MLLT10: variants seen among roughly 807,000 people sequenced by gnomAD.
The protein encoded by MLLT10 is protein AF-10.
In MLLT10, 30 loss-of-function variants were observed where a neutral mutation model predicts 129.1. That is an observed-to-expected ratio of 0.23 (90% CI 0.17 to 0.32). MLLT10 has a LOEUF of 0.32. Ranked by LOEUF, MLLT10 falls within the 10% of genes least tolerant of loss-of-function variation. The pLI, the probability that MLLT10 is intolerant of heterozygous loss-of-function variation, is 1.00. For synonymous variants in MLLT10, 490 were observed against 446.4 expected, an observed-to-expected ratio of 1.10 and a Z score of -1.23; for missense variants, 1,119 against 1,268.3, an observed-to-expected ratio of 0.88 and a Z score of 1.79.
At chr10:21,569,341 T>G (rs1361445744) in intron 3 of MLLT10, among the ~76,000 whole-genome samples, 1 of 151,392 alleles carries the variant, frequency 6.6e-6, no homozygotes, top group Non-Finnish European at 1.5e-5. Flanking sequence ...TCATTAAGCC[T>G]CCACCTCCTG....
chr10:21,612,264 TC>T, intron 5 of MLLT10, 83 bp from the exon 6 acceptor site: 1 of 763,052 alleles, frequency 1.3e-6, no homozygotes, highest in Non-Finnish European at 2.1e-6. Context: ...GTATACCTGA[TC>T]TTCATTTCTG....
At chr10:21,575,271 A>C (rs1231548778) in intron 3 of MLLT10, among the ~76,000 whole-genome samples, 1 of 152,048 alleles carries the variant, frequency 6.6e-6, no homozygotes, top group Non-Finnish European at 1.5e-5. Flanking sequence ...GGCTTACTGC[A>C]ACCTCTGCAT....
intron 3 of MLLT10, among the ~76,000 whole-genome samples, chr10:21,583,822 T>C (rs192908676): frequency 6.6e-6 from 1 of 152,318 alleles, no homozygotes; most frequent in African/African-American, 2.4e-5. Context: ...GGATTACATT[T>C]TTACATGAGA....
chr10:21,704,350 T>TCC (rs1161562159), intron 13 of MLLT10, among the ~76,000 whole-genome samples: 2 of 60,134 alleles, frequency 3.3e-5, no homozygotes, highest in Non-Finnish European at 3.4e-5. Flanking sequence ...TCTCTCTCTC[T>TCC]CTCTCTCTAT....
intron 2 of MLLT10, 22 bp downstream of exon 2, chr10:21,534,826 G>T: frequency 6.4e-7 from 1 of 1,562,944 alleles, no homozygotes; most frequent in Non-Finnish European, 8.7e-7. Flanking sequence ...ACCGCCCGCC[G>T]GGGCGCGCCG....
chr10:21,714,731 C>T (rs1307393893), intron 14 of MLLT10, among the ~76,000 whole-genome samples: 2 of 152,254 alleles, frequency 1.3e-5, no homozygotes, highest in East Asian at 1.9e-4. Context: ...AAGGTTTTGC[C>T]GTGTTGGCCA....
intron 3 of MLLT10, among the ~76,000 whole-genome samples, chr10:21,579,723 T>C (rs967606376): frequency 5.9e-5 from 9 of 151,392 alleles, no homozygotes; most frequent in African/African-American, 2.2e-4. Context: ...CCACCACACC[T>C]GGCTAATTTT....
chr10:21,734,764 G>T (rs1421971620), intron 20 of MLLT10, among the ~76,000 whole-genome samples: 4 of 152,150 alleles, frequency 2.6e-5, no homozygotes, highest in African/African-American at 9.7e-5. Flanking sequence ...CAAATCAGTG[G>T]TATGTTTGGA....
At chr10:21,599,886 T>C (rs1268306629) in intron 5 of MLLT10, among the ~76,000 whole-genome samples, 5 of 152,182 alleles carry the variant, frequency 3.3e-5, no homozygotes, top group Non-Finnish European at 7.3e-5. Flanking sequence ...CTTGTGGCTT[T>C]AAGACTAAAA....
chr10:21,672,356 T>A (rs1176428489), intron 10 of MLLT10, among the ~76,000 whole-genome samples: 1 of 152,064 alleles, frequency 6.6e-6, no homozygotes, highest in Non-Finnish European at 1.5e-5. Flanking sequence ...GTCTCCCAAG[T>A]AGATGGGACC....
At chr10:21,594,917 G>T (rs1453176311) in intron 4 of MLLT10, among the ~76,000 whole-genome samples, 2 of 151,796 alleles carry the variant, frequency 1.3e-5, no homozygotes, top group Non-Finnish European at 2.9e-5. Flanking sequence ...TAAAAATATT[G>T]ACACTAAGAT....
intron 11 of MLLT10, among the ~76,000 whole-genome samples, chr10:21,678,766 C>T (rs549786876): frequency 1.3e-5 from 2 of 152,294 alleles, no homozygotes; most frequent in South Asian, 2.1e-4. Context: ...CTATCTCATT[C>T]AGCTTGGCAA....
intron 8 of MLLT10, among the ~76,000 whole-genome samples, chr10:21,639,334 C>T (rs903554289): frequency 6.6e-6 from 1 of 152,150 alleles, no homozygotes; most frequent in African/African-American, 2.4e-5. Context: ...AACTCAGTCC[C>T]ACAGGACTGA....
rs2042528320 is a variant in MLLT10 at position 21,591,748 on chromosome 10, G to T, written c.296-3583G>T. Among the ~76,000 whole-genome samples the T allele has an allele frequency of 2.0e-5, 3 of 151,222 alleles. No homozygotes were observed. In the South Asian group the frequency reaches 6.3e-4, roughly 32 times the overall value. Reference sequence around the variant, plus strand: ...CTTTTTTTTTTTCCTTTTTGAAATGGAGTCTCGGTGTGTTGCCCAGGCTGG... The same window carrying T: ...CTTTTTTTTTTTCCTTTTTGAAATGTAGTCTCGGTGTGTTGCCCAGGCTGG... On this transcript the variant is annotated intron_variant, in intron 4 of 22. Transcript: ENST00000307729.
intron 4 of MLLT10, among the ~76,000 whole-genome samples, chr10:21,593,249 C>G (rs756886363): frequency 2.6e-5 from 4 of 151,968 alleles, no homozygotes; most frequent in Non-Finnish European, 5.9e-5. Context: ...TGCATGCTGC[C>G]GCACCTGACT....
chr10:21,704,740 T>G (rs1380829079), intron 13 of MLLT10, among the ~76,000 whole-genome samples: 1 of 152,062 alleles, frequency 6.6e-6, no homozygotes, highest in Non-Finnish European at 1.5e-5. Context: ...TGAAGATATA[T>G]CTATGGTGTT....
At chr10:21,544,928 C>T (rs2035834343) in intron 3 of MLLT10, among the ~76,000 whole-genome samples, 2 of 152,168 alleles carry the variant, frequency 1.3e-5, no homozygotes, top group Non-Finnish European at 2.9e-5. Context: ...GGCGGATCAC[C>T]TGAGATCGGG....
At chr10:21,538,682 G>A (rs752240265) in intron 2 of MLLT10, 151 bp from the exon 3 acceptor site, 8 of 543,176 alleles carry the variant, frequency 1.5e-5, no homozygotes, top group East Asian at 5.8e-5. Context: ...AGCTGTATAT[G>A]TGATAAATAG....
intron 21 of MLLT10, chr10:21,738,447 T>C: frequency 7.8e-7 from 1 of 1,289,132 alleles, no homozygotes; most frequent in Middle Eastern, 2.1e-4. Context: ...TAAGGAATTT[T>C]CAGCACAAAT....
Sources: gnomAD v4.1 joint callset for allele counts (sites outside exome capture counted in the v4.1 genomes callset) on GRCh38, gnomAD v4.1.1 for gene constraint, MANE v1.5 for transcripts, NCBI Gene and HGNC (gene_info 2026-07-23, HGNC 2026-07-21) for gene names.